The following RAB7A variants were observed in gnomAD, a reference collection of about 807,000 sequenced individuals.
The protein encoded by RAB7A is RAB7A, member RAS oncogene family, also known as ras-related protein Rab-7a.
Under a neutral mutation model 24.5 loss-of-function variants are expected in RAB7A, and 2 were observed. The ratio of observed to expected loss-of-function variants is 0.08; its 90% CI spans 0.03 to 0.26. RAB7A has a LOEUF of 0.26. Ranked by LOEUF, RAB7A falls within the 10% of genes least tolerant of loss-of-function variation. The pLI, the probability that RAB7A is intolerant of heterozygous loss-of-function variation, is 1.00. For synonymous variants in RAB7A, 100 were observed against 95.9 expected (o/e 1.04, Z -0.25); for missense variants, 118 against 255.7 (o/e 0.46, Z 3.67).
intron 1 of RAB7A, among the ~76,000 whole-genome samples, chr3:128,778,508 C>T (rs981676955): frequency 6.6e-6 from 1 of 152,154 alleles, no homozygotes; most frequent in African/African-American, 2.4e-5. Flanking sequence ...CATAGTGAAG[C>T]CTAACCAACT....
rs139417205 is a variant in RAB7A at position 128,813,603 on chromosome 3, GCACACACACA to G, written c.*188_*197del. 7.8e-6 allele frequency: 4 copies of G among 512,774 alleles called. No individual in the cohort carries two copies. The highest frequency in any genetic ancestry group is 1.5e-5 in the Non-Finnish European group (4 of 269,182). The allele number at this position is 512,774 out of a possible 1,614,324, so 31.8% of individuals were successfully genotyped here. A position where few individuals can be genotyped will look rare whatever the true frequency, so the allele number is the denominator to read the frequency against. On this transcript the variant is annotated 3_prime_UTR_variant, in exon 6 of 6. Transcript: ENST00000265062. ...ATATCTCTCACACACACACACACAC[GCACACACACA>G]CACACAGATCTGACGTAATCAAACT...
intron 3 of RAB7A, among the ~76,000 whole-genome samples, chr3:128,800,006 A>T (rs1269326175): frequency 6.6e-6 from 1 of 152,230 alleles, no homozygotes; most frequent in Non-Finnish European, 1.5e-5. Context: ...AAAAATGAGG[A>T]TATGGAAAAC....
intron 3 of RAB7A, among the ~76,000 whole-genome samples, chr3:128,799,642 A>C (rs1933657635): frequency 6.6e-6 from 1 of 152,194 alleles, no homozygotes; most frequent in African/African-American, 2.4e-5. Context: ...CCTCACCTAC[A>C]CACATACACC....
chr3:128,745,232 T>G (rs988966414), intron 1 of RAB7A, among the ~76,000 whole-genome samples: 2 of 152,188 alleles, frequency 1.3e-5, no homozygotes, highest in African/African-American at 4.8e-5. Context: ...GTCTACCTGT[T>G]GCCTAAACTA....
Position 128,813,346 on chromosome 3 carries a change from A to G in RAB7A, c.548A>G (p.Tyr183Cys), listed in dbSNP as rs1933966950. The G allele has an allele frequency of 1.2e-6, 2 of 1,614,206 alleles. No homozygotes were observed. The highest frequency in any genetic ancestry group is 1.7e-6 in the Non-Finnish European group (2 of 1,180,016). The change falls in exon 6 of 6, where the codon TAC becomes TGC. Residue 183 changes from tyrosine (Y) to cysteine (C), a missense_variant. Coordinates refer to ENST00000265062, the MANE Select transcript of RAB7A (RefSeq NM_004637.6). ...ALKQETEVEL[Y>C]NEFPEPIKLD... ...GTCCAGGAAACGGAGGTGGAGCTGT[A>G]CAACGAATTTCCTGAACCTATCAAA...
intron 1 of RAB7A, among the ~76,000 whole-genome samples, chr3:128,772,662 TGTG>T (rs1932979261): frequency 6.6e-6 from 1 of 152,220 alleles, no homozygotes. Flanking sequence ...TTGTTGGACT[TGTG>T]GTGGTTGTCT....
intron 1 of RAB7A, among the ~76,000 whole-genome samples, chr3:128,761,303 C>T (rs1000613331): frequency 2.0e-5 from 3 of 152,118 alleles, no homozygotes; most frequent in African/African-American, 7.2e-5. Flanking sequence ...CTTTTGATTA[C>T]GAAGTCATAC....
chr3:128,779,511 A>G (rs1933171221), intron 1 of RAB7A, among the ~76,000 whole-genome samples: 1 of 148,744 alleles, frequency 6.7e-6, no homozygotes, highest in Non-Finnish European at 1.5e-5. Context: ...TGTAACCATA[A>G]GAGGTCCATT....
chr3:128,742,504 T>C (rs2070564680), intron 1 of RAB7A, among the ~76,000 whole-genome samples: 2 of 152,204 alleles, frequency 1.3e-5, no homozygotes, highest in South Asian at 4.1e-4. Context: ...GACAGGATGC[T>C]GATTGGTGTG....
At chr3:128,744,338 T>A (rs929248163) in intron 1 of RAB7A, among the ~76,000 whole-genome samples, 2 of 152,278 alleles carry the variant, frequency 1.3e-5, no homozygotes, top group Non-Finnish European at 2.9e-5. Context: ...ATTAGAGGGG[T>A]TCACCAATAG....
At chr3:128,760,967 C>T (rs2070772012) in intron 1 of RAB7A, among the ~76,000 whole-genome samples, 1 of 152,178 alleles carries the variant, frequency 6.6e-6, no homozygotes, top group Non-Finnish European at 1.5e-5. Context: ...GAGAGGAAGC[C>T]TTTCTTACAG....
chr3:128,751,236 A>G (rs2070678227), intron 1 of RAB7A, among the ~76,000 whole-genome samples: 2 of 152,194 alleles, frequency 1.3e-5, no homozygotes, highest in Admixed American at 1.3e-4. Flanking sequence ...GAAGAGGGCC[A>G]CCATCCTTCA....
chr3:128,782,454 T>C (rs1262466492), intron 1 of RAB7A, among the ~76,000 whole-genome samples: 2 of 152,044 alleles, frequency 1.3e-5, no homozygotes, highest in Non-Finnish European at 2.9e-5. Context: ...TGAGGTCACC[T>C]TTGATGGTGC....
At chr3:128,770,566 A>G (rs759378701) in intron 1 of RAB7A, among the ~76,000 whole-genome samples, 9 of 152,194 alleles carry the variant, frequency 5.9e-5, no homozygotes, top group Admixed American at 1.3e-4. Context: ...GATACGCTGG[A>G]GAGTCATGGG....
intron 5 of RAB7A, among the ~76,000 whole-genome samples, chr3:128,812,795 T>C (rs969643845): frequency 5.9e-5 from 9 of 152,176 alleles, no homozygotes; most frequent in African/African-American, 2.2e-4. Context: ...CCAGAGGCCA[T>C]TGGTCCCGAA....
intron 1 of RAB7A, among the ~76,000 whole-genome samples, chr3:128,790,926 C>T (rs970831588): frequency 1.3e-5 from 2 of 152,046 alleles, no homozygotes; most frequent in African/African-American, 4.8e-5. Flanking sequence ...CAACAACAAC[C>T]CTGGACTTGT....
At chr3:128,782,785 G>A (rs1933248582) in intron 1 of RAB7A, among the ~76,000 whole-genome samples, 2 of 152,036 alleles carry the variant, frequency 1.3e-5, no homozygotes, top group Admixed American at 1.3e-4. Flanking sequence ...AGGTCACCAA[G>A]CATGAGGAAG....
chr3:128,745,562 C>T (rs367780551), intron 1 of RAB7A, among the ~76,000 whole-genome samples: 4 of 152,202 alleles, frequency 2.6e-5, no homozygotes, highest in South Asian at 2.1e-4. Flanking sequence ...GACGGGGTTT[C>T]GCCATGTTGG....
intron 1 of RAB7A, among the ~76,000 whole-genome samples, chr3:128,783,595 G>C (rs141760099): frequency 1.3e-5 from 2 of 152,202 alleles, no homozygotes; most frequent in East Asian, 3.9e-4. Flanking sequence ...TTATGTGCCC[G>C]CTCAGGCCTC....
Sources: allele counts gnomAD v4.1 joint callset (sites outside exome capture counted in the v4.1 genomes callset), GRCh38; gene constraint gnomAD v4.1.1; transcripts MANE v1.5; gene names NCBI Gene and HGNC (gene_info 2026-07-23, HGNC 2026-07-21).